Variants in ARHGAP23 observed in about 807,000 individuals in gnomAD.
ARHGAP23 encodes rho GTPase-activating protein 23.
A neutral mutation model predicts 136.3 loss-of-function variants in ARHGAP23; 34 were observed. The observed-to-expected ratio is 0.25, with a 90% confidence interval of 0.19 to 0.33. ARHGAP23 has a LOEUF of 0.33. Ranked by LOEUF, ARHGAP23 falls within the 10% of genes least tolerant of loss-of-function variation. The pLI, the probability that ARHGAP23 is intolerant of heterozygous loss-of-function variation, is 1.00. For missense variants in ARHGAP23, 1,808 were observed against 2,139.0 expected (o/e 0.85, Z 3.05); for synonymous variants, 832 against 920.5 (o/e 0.90, Z 1.74).
chr17:38,506,694 C>G (rs9915471), intron 23 of ARHGAP23, among the ~76,000 whole-genome samples: 127,579 of 152,130 alleles, frequency 0.84, 53,700 homozygotes, highest in East Asian at 0.99. Context: ...TTCTAATAAC[C>G]GCACTAATCC....
upstream of ARHGAP23, among the ~76,000 whole-genome samples, chr17:38,425,575 T>C (rs2038561674): frequency 2.0e-5 from 3 of 151,830 alleles, no homozygotes; most frequent in African/African-American, 4.8e-5. Context: ...GAATGAAGGA[T>C]GGTGATTGGG....
rs1428066554 is a variant in ARHGAP23, at chr17:38,462,927, C to T, written c.335C>T (p.Ala112Val). Reference protein sequence around the residue: ...NVKEDGPAHRAGLRTGDRLVK... With the variant: ...NVKEDGPAHRVGLRTGDRLVK... ...AAGGAAGACGGCCCTGCCCATAGGG[C>T]GGGGCTTCGCACAGGTGAGCTGGCC... Residue 112 changes from alanine to valine, a missense_variant, in exon 4 of 24, where the codon GCG becomes GTG. This residue lies in a region of ARHGAP23 where 859 missense variants were observed against 936.4 expected (regional missense o/e 0.92). Coordinates refer to ENST00000622683, the MANE Select transcript of ARHGAP23 (RefSeq NM_001199417.2). 5.8e-6 allele frequency: 9 copies of T among 1,541,738 alleles called. No homozygotes were observed. The highest frequency in any genetic ancestry group is 3.3e-4 in the Middle Eastern group (2 of 5,974).
At chr17:38,453,969 G>A (rs1430299501) in intron 1 of ARHGAP23, 2 of 145,518 alleles carry the variant, frequency 1.4e-5, no homozygotes, top group Non-Finnish European at 3.1e-5. Flanking sequence ...AGCCCCCGCC[G>A]GCCGCGGAGC....
At chr17:38,491,666 G>A (rs2040282380) in intron 20 of ARHGAP23, 134 bp downstream of exon 20, 2 of 1,205,822 alleles carry the variant, frequency 1.7e-6, no homozygotes, top group Middle Eastern at 2.9e-4. Context: ...TGCTGCTAGG[G>A]TGGTATATAC....
At chr17:38,423,015 C>A (rs1189089770) in intron 1 of ARHGAP23, among the ~76,000 whole-genome samples, 1 of 152,104 alleles carries the variant, frequency 6.6e-6, no homozygotes, top group African/African-American at 2.4e-5. Flanking sequence ...CTCCCAAGAC[C>A]CCTTCTTCCT....
chr17:38,460,273 CAGA>C (rs1381883486), intron 2 of ARHGAP23, among the ~76,000 whole-genome samples: 3 of 152,232 alleles, frequency 2.0e-5, no homozygotes, highest in East Asian at 1.9e-4. Flanking sequence ...CTCTCTCTCA[CAGA>C]AGAACTTCCA....
intron 6 of ARHGAP23, among the ~76,000 whole-genome samples, chr17:38,464,453 G>T (rs781129510): frequency 6.6e-6 from 1 of 152,236 alleles, no homozygotes; most frequent in Admixed American, 6.5e-5. Context: ...CCTGGGAGCC[G>T]CTGTGCTGGC....
chr17:38,477,175 C>T lies in ARHGAP23; in HGVS notation c.2119-404C>T, dbSNP rs573443530. ...TGGGGAGAACAACCCTCTAAGAGTG[C>T]GGACGGCTTCTGAGCAGGTTTGCTG... On this transcript the variant is annotated intron_variant, in intron 11 of 23. Transcript: ENST00000622683. The surrounding 1 kb of genome is among the most constrained non-coding windows in gnomAD (Gnocchi z 6.6). Among the ~76,000 whole-genome samples the T allele has an allele frequency of 2.6e-5, 4 of 151,980 alleles. No homozygotes were observed. The highest frequency in any genetic ancestry group is 7.2e-5 in the African/African-American group (3 of 41,468).
chr17:38,446,171 C>T (rs1428092452), intron 1 of ARHGAP23, among the ~76,000 whole-genome samples: 4 of 146,166 alleles, frequency 2.7e-5, no homozygotes, highest in African/African-American at 1.0e-4. Flanking sequence ...TGTGCCACCA[C>T]ACCTGGCTAA....
At chr17:38,487,096 A>G (rs1251863582) in intron 17 of ARHGAP23, among the ~76,000 whole-genome samples, 2 of 152,208 alleles carry the variant, frequency 1.3e-5, no homozygotes, top group Admixed American at 6.5e-5. Context: ...TGTCACCAAC[A>G]TGGAATTGGG....
chr17:38,421,919 C>G (rs1308828297), intron 1 of ARHGAP23, among the ~76,000 whole-genome samples: 1 of 152,216 alleles, frequency 6.6e-6, no homozygotes. Context: ...TTGCTCCTCT[C>G]CTTCTTCCCT....
chr17:38,455,357 G>C (rs1421934972), intron 1 of ARHGAP23, among the ~76,000 whole-genome samples: 1 of 152,168 alleles, frequency 6.6e-6, no homozygotes, highest in African/African-American at 2.4e-5. Context: ...GGAAGAGGTG[G>C]GAGGAAGGGG....
At position 38,473,353 on chromosome 17, in the gene ARHGAP23, C is replaced by T. The variant is rs1269159673; in HGVS notation, c.2118+1347C>T. 2.0e-5 allele frequency among the ~76,000 whole-genome samples: 3 copies of T among 152,240 alleles called. No individual in the cohort carries two copies. In the East Asian group the frequency reaches 5.8e-4, roughly 29 times the overall value. ...AGCAGACAGACTTTGAGTTCCTATC[C>T]GGCCACATATCAAGCACGTGGCTTT... On this transcript the variant is annotated intron_variant, in intron 11 of 23. Transcript: ENST00000622683.
chr17:38,444,612 G>T (rs1003164698), intron 1 of ARHGAP23, among the ~76,000 whole-genome samples: 1 of 152,110 alleles, frequency 6.6e-6, no homozygotes, highest in African/African-American at 2.4e-5. Flanking sequence ...GACCTGATGC[G>T]TGCCAGGTTC....
intron 23 of ARHGAP23, among the ~76,000 whole-genome samples, chr17:38,504,539 G>A (rs1193880466): frequency 1.3e-5 from 2 of 152,186 alleles, no homozygotes; most frequent in African/African-American, 4.8e-5. Flanking sequence ...TGTCTCTCTT[G>A]CCTGACTCTA....
intron 17 of ARHGAP23, among the ~76,000 whole-genome samples, chr17:38,489,024 T>C (rs1010874574): frequency 2.6e-5 from 4 of 151,662 alleles, no homozygotes; most frequent in Admixed American, 2.0e-4. Context: ...TACAGGCGCC[T>C]ACCACCATGC....
chr17:38,490,391 G>A (rs2040249555), intron 18 of ARHGAP23, 71 bp from the exon 19 acceptor site: 3 of 1,283,822 alleles, frequency 2.3e-6, no homozygotes, highest in Admixed American at 4.0e-5. Flanking sequence ...GATCTTTGGG[G>A]CATGGTGATG....
At chr17:38,444,160 G>A (rs946311699) in intron 1 of ARHGAP23, among the ~76,000 whole-genome samples, 4 of 152,070 alleles carry the variant, frequency 2.6e-5, no homozygotes, top group Non-Finnish European at 5.9e-5. Flanking sequence ...AGGAGATGGG[G>A]AGGGGAAGAT....
At chr17:38,471,327 G>A (rs1191946772) in intron 10 of ARHGAP23, among the ~76,000 whole-genome samples, 2 of 152,208 alleles carry the variant, frequency 1.3e-5, no homozygotes, top group Non-Finnish European at 2.9e-5. Context: ...TGTCTCATTG[G>A]TTGGTTGAAC....
Sources: allele counts gnomAD v4.1 joint callset (sites outside exome capture counted in the v4.1 genomes callset), GRCh38; gene constraint gnomAD v4.1.1; regional missense constraint gnomAD v4.1.1; non-coding constraint Gnocchi (gnomAD v3.1); transcripts MANE v1.5; gene names NCBI Gene and HGNC (gene_info 2026-07-23, HGNC 2026-07-21).